RAB3GAP2: variants seen among roughly 807,000 people sequenced by gnomAD.
RAB3GAP2 encodes the protein rab3 GTPase-activating protein non-catalytic subunit.
RAB3GAP2 carries 87 observed loss-of-function variants against 185.3 expected under a neutral mutation model. The ratio of observed to expected loss-of-function variants is 0.47; its 90% CI spans 0.39 to 0.56. The LOEUF (loss-of-function observed/expected upper bound fraction) is 0.56, where lower values mean the gene tolerates loss of function less well. Ranked by LOEUF, RAB3GAP2 falls within the 20% of genes least tolerant of loss-of-function variation. RAB3GAP2 has a pLI of 0.00. For synonymous variants in RAB3GAP2, 554 were observed against 576.1 expected (o/e 0.96, Z 0.55); for missense variants, 1,492 against 1,638.2 (o/e 0.91, Z 1.54).
intron 1 of RAB3GAP2, among the ~76,000 whole-genome samples, chr1:220,248,832 G>A (rs925328309): frequency 6.6e-6 from 1 of 152,102 alleles, no homozygotes; most frequent in East Asian, 1.9e-4. Flanking sequence ...GTTCTCACGA[G>A]ATCTGATGGT....
At chr1:220,209,326 T>C (rs890522421) in intron 7 of RAB3GAP2, among the ~76,000 whole-genome samples, 11 of 152,230 alleles carry the variant, frequency 7.2e-5, no homozygotes, top group African/African-American at 2.7e-4. Context: ...CATAAGTTTC[T>C]TTGTTGTTGC....
chr1:220,227,972 C>G (rs549734049), intron 2 of RAB3GAP2, among the ~76,000 whole-genome samples: 1 of 152,174 alleles, frequency 6.6e-6, no homozygotes, highest in Admixed American at 6.5e-5. Flanking sequence ...AGACTGGTCT[C>G]GTACTCCTGA....
chr1:220,163,740 C>CATATATATATATATATATATATAA (rs1274317823), intron 27 of RAB3GAP2, among the ~76,000 whole-genome samples: 3 of 90,160 alleles, frequency 3.3e-5, no homozygotes, highest in Non-Finnish European at 6.0e-5. Context: ...TATATAAATA[C>CATATATATATATATATATATATAA]ATACATATAT....
chr1:220,152,196 C>T (rs1203365834), intron 33 of RAB3GAP2, among the ~76,000 whole-genome samples: 1 of 152,206 alleles, frequency 6.6e-6, no homozygotes, highest in Non-Finnish European at 1.5e-5. Context: ...CTGCTTCAGC[C>T]TCCCAAGTAG....
At chr1:220,242,381 T>G (rs182755412) in intron 1 of RAB3GAP2, among the ~76,000 whole-genome samples, 1 of 152,078 alleles carries the variant, frequency 6.6e-6, no homozygotes, top group African/African-American at 2.4e-5. Flanking sequence ...TATTACTCAT[T>G]CCCTGGCCTA....
intron 9 of RAB3GAP2, among the ~76,000 whole-genome samples, chr1:220,199,188 G>A (rs909873123): frequency 3.3e-5 from 5 of 152,102 alleles, no homozygotes; most frequent in Non-Finnish European, 5.9e-5. Flanking sequence ...GGAGGAGCAA[G>A]TTTGACAGGA....
intron 26 of RAB3GAP2, among the ~76,000 whole-genome samples, chr1:220,166,354 A>C (rs1226430871): frequency 6.6e-6 from 1 of 152,244 alleles, no homozygotes; most frequent in Non-Finnish European, 1.5e-5. Flanking sequence ...CATATAAGGA[A>C]GATAAAGTTA....
intron 21 of RAB3GAP2, among the ~76,000 whole-genome samples, chr1:220,179,475 C>T (rs1192755068): frequency 6.6e-6 from 1 of 152,046 alleles, no homozygotes; most frequent in Non-Finnish European, 1.5e-5. Flanking sequence ...CCAGGTAGAA[C>T]ATCAATAAAG....
intron 2 of RAB3GAP2, among the ~76,000 whole-genome samples, chr1:220,218,735 T>C (rs1190391380): frequency 1.4e-5 from 2 of 140,520 alleles, no homozygotes; most frequent in Non-Finnish European, 3.1e-5. Flanking sequence ...ACTTAAAGTA[T>C]AATTTAAAAA....
chr1:220,182,609 T>C, intron 20 of RAB3GAP2, 109 bp downstream of exon 20: 1 of 1,208,664 alleles, frequency 8.3e-7, no homozygotes, highest in Non-Finnish European at 1.1e-6. Context: ...TTAAATCCTT[T>C]CATTATTTAA....
chr1:220,268,136 TAATA>T (rs894089414), intron 1 of RAB3GAP2, among the ~76,000 whole-genome samples: 1 of 152,208 alleles, frequency 6.6e-6, no homozygotes, highest in Admixed American at 6.5e-5. Flanking sequence ...TTTATAACAT[TAATA>T]AATAAAGTGA....
intron 1 of RAB3GAP2, among the ~76,000 whole-genome samples, chr1:220,258,144 G>C (rs1660064239): frequency 6.6e-6 from 1 of 152,072 alleles, no homozygotes; most frequent in African/African-American, 2.4e-5. Flanking sequence ...ATTCACAGTG[G>C]AATTCTTCCA....
rs1376988238 is a variant in RAB3GAP2, at chr1:220,148,530, C to T, written c.*2721G>A. On this transcript the variant is annotated 3_prime_UTR_variant, in exon 35 of 35. Coordinates refer to ENST00000358951, the MANE Select transcript of RAB3GAP2 (RefSeq NM_012414.4). ...CTATCAGGGTGAGAGAGGGCTTTTGCTGTTGCTATAGTGTACTGTAAAAAT... is the reference window on the plus strand; with the variant it reads ...CTATCAGGGTGAGAGAGGGCTTTTGTTGTTGCTATAGTGTACTGTAAAAAT... 1 of 152,142 alleles carries T rather than the reference C, an allele frequency of 6.6e-6. No homozygotes were observed. The highest frequency in any genetic ancestry group is 1.5e-5 in the Non-Finnish European group (1 of 68,010). The allele number at this position is 152,142 out of a possible 1,614,324, so 9.4% of individuals were successfully genotyped here.
intron 27 of RAB3GAP2, 67 bp from the exon 28 acceptor site, chr1:220,162,335 CTCTT>C (rs1238527175): frequency 6.3e-6 from 7 of 1,109,244 alleles, no homozygotes; most frequent in Non-Finnish European, 9.7e-6. Flanking sequence ...ACATAAATTA[CTCTT>C]TCTTAAGCTT....
At chr1:220,253,698 C>A in intron 1 of RAB3GAP2, 1 of 1,608,500 alleles carries the variant, frequency 6.2e-7, no homozygotes. Context: ...TGAAATACTT[C>A]ATACATTACA....
chr1:220,236,883 A>T (rs1366001669), intron 1 of RAB3GAP2, among the ~76,000 whole-genome samples: 1 of 152,156 alleles, frequency 6.6e-6, no homozygotes, highest in Non-Finnish European at 1.5e-5. Flanking sequence ...CATAACTTTG[A>T]GAACTATGTA....
chr1:220,203,306 C>T (rs980735451), intron 8 of RAB3GAP2, among the ~76,000 whole-genome samples: 1 of 152,200 alleles, frequency 6.6e-6, no homozygotes, highest in African/African-American at 2.4e-5. Flanking sequence ...CAGTAAACTC[C>T]CATGCTACAT....
At chr1:220,163,740 C>T (rs1169869315) in intron 27 of RAB3GAP2, among the ~76,000 whole-genome samples, 2 of 90,156 alleles carry the variant, frequency 2.2e-5, no homozygotes, top group Non-Finnish European at 4.0e-5. Flanking sequence ...TATATAAATA[C>T]ATACATATAT....
chr1:220,149,269 A>G lies in RAB3GAP2; in HGVS notation c.*1982T>C, dbSNP rs966881387. 7.9e-5 allele frequency: 12 copies of G among 152,180 alleles called. No homozygotes were observed. The highest frequency in any genetic ancestry group is 1.4e-4 in the African/African-American group (6 of 41,446). 9.4% of individuals were successfully genotyped at this position (152,180 alleles called of 1,614,324 possible). On this transcript the variant is annotated 3_prime_UTR_variant, in exon 35 of 35. Coordinates refer to ENST00000358951, the MANE Select transcript of RAB3GAP2 (RefSeq NM_012414.4). ...AAATTTTAGGATAACAAATCTAACT[A>G]GAGACTTAATGATTTGTGTTAGGAT...
Sources: allele counts gnomAD v4.1 joint callset (sites outside exome capture counted in the v4.1 genomes callset), GRCh38; gene constraint gnomAD v4.1.1; transcripts MANE v1.5; gene names NCBI Gene and HGNC (gene_info 2026-07-23, HGNC 2026-07-21).